The following PTPRD variants were observed in gnomAD, a reference collection of about 807,000 sequenced individuals.
PTPRD encodes the protein protein tyrosine phosphatase receptor type D, also known as receptor-type tyrosine-protein phosphatase delta.
In PTPRD, 34 loss-of-function variants were observed where a neutral mutation model predicts 214.5. That is an observed-to-expected ratio of 0.16 (90% CI 0.12 to 0.21). The LOEUF is 0.21. Ranked by LOEUF, PTPRD falls within the 10% of genes least tolerant of loss-of-function variation. PTPRD has a pLI of 1.00. For synonymous variants in PTPRD, 1,128 were observed against 845.7 expected (o/e 1.33, Z -5.79); for missense variants, 2,545 against 2,398.7 (o/e 1.06, Z -1.27).
chr9:9,646,216 G>C (rs779909174), intron 7 of PTPRD, among the ~76,000 whole-genome samples: 3 of 151,792 alleles, frequency 2.0e-5, no homozygotes, highest in Non-Finnish European at 4.4e-5. Flanking sequence ...TTTGTCTGTA[G>C]ATTTGTTATC....
chr9:9,249,088 G>A lies in PTPRD; in HGVS notation c.-202-65725C>T, dbSNP rs184300664. On this transcript the variant is annotated intron_variant, in intron 9 of 45. Coordinates refer to ENST00000381196, the MANE Select transcript of PTPRD (RefSeq NM_002839.4). ...CAGTGGGAGGTGTTTGGGTAGTGGG[G>A]GCAGATCCTTCATGAATGGCTTGGT... 1.7e-4 allele frequency among the ~76,000 whole-genome samples: 26 copies of A among 152,116 alleles called. 1 individual carries two copies. The East Asian group carries it at 4.3e-3, about 25-fold the overall frequency.
intron 9 of PTPRD, among the ~76,000 whole-genome samples, chr9:9,364,477 G>C (rs1403373468): frequency 1.3e-5 from 2 of 151,466 alleles, no homozygotes; most frequent in Admixed American, 6.6e-5. Flanking sequence ...GGCCATATTA[G>C]AAGGTGATAT....
intron 3 of PTPRD, among the ~76,000 whole-genome samples, chr9:10,143,332 G>T (rs2099000410): frequency 6.6e-6 from 1 of 151,806 alleles, no homozygotes; most frequent in Non-Finnish European, 1.5e-5. Flanking sequence ...ACTAATCAGA[G>T]AAATGCAAAT....
intron 9 of PTPRD, among the ~76,000 whole-genome samples, chr9:9,375,149 T>A (rs2060454569): frequency 6.6e-6 from 1 of 152,166 alleles, no homozygotes; most frequent in African/African-American, 2.4e-5. Flanking sequence ...TTTTTGTTAA[T>A]ATCATAAATT....
intron 3 of PTPRD, among the ~76,000 whole-genome samples, chr9:10,267,665 AG>A (rs1241525654): frequency 6.6e-6 from 1 of 152,218 alleles, no homozygotes; most frequent in Non-Finnish European, 1.5e-5. Flanking sequence ...TCTTACCAGG[AG>A]TCTTAAATGC....
chr9:10,562,910 A>T (rs1566948801), intron 2 of PTPRD, among the ~76,000 whole-genome samples: 1 of 152,204 alleles, frequency 6.6e-6, no homozygotes, highest in Non-Finnish European at 1.5e-5. Context: ...AGCCATATAT[A>T]GATACCCAGC....
At chr9:10,575,574 T>C (rs2068985707) in intron 2 of PTPRD, among the ~76,000 whole-genome samples, 1 of 152,138 alleles carries the variant, frequency 6.6e-6, no homozygotes, top group African/African-American at 2.4e-5. Context: ...TATGGCTTTA[T>C]TTTAGATTCA....
chr9:8,799,570 G>A (rs917808400), intron 11 of PTPRD, among the ~76,000 whole-genome samples: 1 of 152,178 alleles, frequency 6.6e-6, no homozygotes, highest in Non-Finnish European at 1.5e-5. Context: ...AGTAAGCAAG[G>A]AAGTTTGTTG....
At position 9,576,938 on chromosome 9, in the gene PTPRD, T is replaced by A. The variant is rs185069951; in HGVS notation, c.-286-2157A>T. Reference sequence around the variant, plus strand: ...TCACATAAAGAGATTTATGTCCTTTTGTTCTATCTAGAATGTTTATCTATA... The same window carrying A: ...TCACATAAAGAGATTTATGTCCTTTAGTTCTATCTAGAATGTTTATCTATA... On this transcript the variant is annotated intron_variant, in intron 7 of 45. Transcript: ENST00000381196. 6.0e-3 allele frequency among the ~76,000 whole-genome samples: 912 copies of A among 152,294 alleles called. 5 individuals carry two copies. Among genetic ancestry groups the A allele is most frequent in the Middle Eastern group, 0.024 (7 of 294 alleles).
At chr9:8,498,335 G>C (rs1456093265) in intron 25 of PTPRD, among the ~76,000 whole-genome samples, 2 of 152,062 alleles carry the variant, frequency 1.3e-5, no homozygotes, top group African/African-American at 4.8e-5. Context: ...GAGTGCAGTG[G>C]TGCGATCTTG....
chr9:10,157,099 C>T (rs1365257367), intron 3 of PTPRD, among the ~76,000 whole-genome samples: 1 of 152,102 alleles, frequency 6.6e-6, no homozygotes, highest in East Asian at 1.9e-4. Context: ...TCACTCTGTG[C>T]CTTTTGATTG....
intron 3 of PTPRD, among the ~76,000 whole-genome samples, chr9:10,254,129 T>C (rs1228972683): frequency 6.6e-6 from 1 of 152,200 alleles, no homozygotes; most frequent in Non-Finnish European, 1.5e-5. Flanking sequence ...CAACTCATAA[T>C]CACATACTTT....
chr9:9,874,356 A>G (rs1310983267), intron 5 of PTPRD, among the ~76,000 whole-genome samples: 1 of 152,188 alleles, frequency 6.6e-6, no homozygotes, highest in African/African-American at 2.4e-5. Flanking sequence ...AGTCTCTTAA[A>G]AACAATCAAC....
In PTPRD at chr9:8,492,835, GGCACATACAT is replaced by G; in HGVS notation, c.2467+17_2467+26del. 1 of 1,545,688 alleles carries G rather than the reference GGCACATACAT, an allele frequency of 6.5e-7. No individual in the cohort carries two copies. Among genetic ancestry groups the G allele is most frequent in the Non-Finnish European group, 8.9e-7 (1 of 1,118,974 alleles). On this transcript the variant is annotated intron_variant, in intron 27 of 45. Transcript: ENST00000381196. ...TTAAAAAGTTAGTATTACTGTTCAA[GGCACATACAT>G]GCACAGACATGATTACCTGCCCCAG...
At chr9:9,486,798 T>G (rs1402409287) in intron 8 of PTPRD, among the ~76,000 whole-genome samples, 1 of 152,154 alleles carries the variant, frequency 6.6e-6, no homozygotes, top group African/African-American at 2.4e-5. Flanking sequence ...TTTCCCCTAT[T>G]ACAACACTTA....
chr9:8,600,607 G>A (rs1412857496), intron 14 of PTPRD, among the ~76,000 whole-genome samples: 1 of 151,866 alleles, frequency 6.6e-6, no homozygotes. Flanking sequence ...GTCAGGTCAT[G>A]AGGTCCCCAT....
chr9:8,558,922 A>G (rs2085060009), intron 14 of PTPRD, among the ~76,000 whole-genome samples: 1 of 152,250 alleles, frequency 6.6e-6, no homozygotes, highest in Non-Finnish European at 1.5e-5. Context: ...TATATTCATC[A>G]GAACTTATCA....
At chr9:9,551,720 C>T (rs1447879202) in intron 8 of PTPRD, among the ~76,000 whole-genome samples, 2 of 151,918 alleles carry the variant, frequency 1.3e-5, no homozygotes, top group African/African-American at 4.8e-5. Context: ...CTGCATATAG[C>T]CTGGGATAAA....
At chr9:10,084,561 C>A (rs1026570357) in intron 3 of PTPRD, among the ~76,000 whole-genome samples, 3 of 151,894 alleles carry the variant, frequency 2.0e-5, no homozygotes, top group African/African-American at 7.2e-5. Flanking sequence ...TACTGGAGTT[C>A]TTAGATATTG....
Sources: gnomAD v4.1 joint callset for allele counts (sites outside exome capture counted in the v4.1 genomes callset) on GRCh38, gnomAD v4.1.1 for gene constraint, MANE v1.5 for transcripts, NCBI Gene and HGNC (gene_info 2026-07-23, HGNC 2026-07-21) for gene names.